The following MTUS2 variants were observed in gnomAD, a reference collection of about 807,000 sequenced individuals.
MTUS2 encodes microtubule-associated tumor suppressor candidate 2.
In MTUS2, 40 loss-of-function variants were observed where a neutral mutation model predicts 114.1. The ratio of observed to expected loss-of-function variants is 0.35; its 90% CI spans 0.27 to 0.46. MTUS2 has a LOEUF of 0.46. Ranked by LOEUF, MTUS2 falls within the 20% of genes least tolerant of loss-of-function variation. The pLI, the probability that MTUS2 is intolerant of heterozygous loss-of-function variation, is 1.00. For synonymous variants in MTUS2, 688 were observed against 672.0 expected, an observed-to-expected ratio of 1.02 and a Z score of -0.37; for missense variants, 1,679 against 1,705.4, an observed-to-expected ratio of 0.98 and a Z score of 0.27.
At chr13:29,014,749 C>T (rs1209481612) in intron 2 of MTUS2, among the ~76,000 whole-genome samples, 1 of 152,186 alleles carries the variant, frequency 6.6e-6, no homozygotes, top group Non-Finnish European at 1.5e-5. Context: ...TTCACAGTGC[C>T]ATGCAGGCCA....
intron 5 of MTUS2, among the ~76,000 whole-genome samples, chr13:29,277,682 C>A (rs1898115637): frequency 6.6e-6 from 1 of 152,194 alleles, no homozygotes; most frequent in African/African-American, 2.4e-5. Flanking sequence ...CATTTCCCAG[C>A]CTCCCTTGAT....
chr13:29,387,784 C>T (rs1382158708), intron 8 of MTUS2, among the ~76,000 whole-genome samples: 5 of 152,124 alleles, frequency 3.3e-5, no homozygotes, highest in Admixed American at 2.0e-4. Flanking sequence ...TTGCTTAATG[C>T]TCGCATGGCA....
intron 8 of MTUS2, among the ~76,000 whole-genome samples, chr13:29,379,899 A>G (rs956133981): frequency 3.3e-5 from 5 of 152,260 alleles, no homozygotes; most frequent in African/African-American, 1.2e-4. Context: ...TGTACTTTTG[A>G]AGTTATGAAG....
At chr13:29,065,445 T>A (rs56689670) in intron 4 of MTUS2, among the ~76,000 whole-genome samples, 2,446 of 152,270 alleles carry the variant, frequency 0.016, 55 homozygotes, top group African/African-American at 0.056. Context: ...GAAGTGTCTG[T>A]TCATATCGTT....
intron 2 of MTUS2, among the ~76,000 whole-genome samples, chr13:28,907,302 A>G (rs1386079385): frequency 6.6e-6 from 1 of 151,702 alleles, no homozygotes; most frequent in East Asian, 1.9e-4. Context: ...AAAAACATGC[A>G]GAATTATAAA....
chr13:29,318,404 A>ATTCTTTTTTTTTTTTTTTTT, intron 6 of MTUS2, among the ~76,000 whole-genome samples: 1 of 68,812 alleles, frequency 1.5e-5, no homozygotes, highest in African/African-American at 6.3e-5. Flanking sequence ...TTTTTTTTTG[A>ATTCTTTTTTTTTTTTTTTTT]GATGACAGCC....
intron 2 of MTUS2, among the ~76,000 whole-genome samples, chr13:28,980,067 GA>G (rs1238162700): frequency 6.6e-6 from 1 of 152,140 alleles, no homozygotes; most frequent in East Asian, 1.9e-4. Flanking sequence ...GATGCGTTTT[GA>G]AAAGGAATAA....
intron 4 of MTUS2, among the ~76,000 whole-genome samples, chr13:29,099,222 C>G (rs1189502091): frequency 6.6e-6 from 1 of 152,206 alleles, no homozygotes; most frequent in African/African-American, 2.4e-5. Context: ...TCTTCTTTTT[C>G]ATAGTTGAGG....
At position 29,431,628 on chromosome 13, in the gene MTUS2, G is replaced by A. The variant is rs1302942032; in HGVS notation, c.3118-8355G>A. Among the ~76,000 whole-genome samples the A allele has an allele frequency of 2.0e-5, 3 of 152,202 alleles. No homozygotes were observed. The East Asian group carries it at 5.8e-4, about 29-fold the overall frequency. ...AGGTTTCTTGGCAAAAGTGGAACAT[G>A]AATTACCCTTTGAAGAATGGGTGGA... On this transcript the variant is annotated intron_variant, in intron 8 of 15. Transcript: ENST00000612955.
In MTUS2 at chr13:29,350,960, C is replaced by CATATATATATATATATAT. The variant is rs56192034; in HGVS notation, c.2906-8295_2906-8278dup. Among the ~76,000 whole-genome samples the CATATATATATATATATAT allele has an allele frequency of 3.0e-3, 386 of 128,592 alleles. 6 individuals are homozygous for CATATATATATATATATAT. Among genetic ancestry groups the CATATATATATATATATAT allele is most frequent in the Non-Finnish European group, 3.7e-3 (214 of 58,594 alleles). The allele number at this position is 128,592 out of a possible 152,430, so 84.4% of individuals were successfully genotyped here. A position where few individuals can be genotyped will look rare whatever the true frequency, so the allele number is the denominator to read the frequency against. ...TAGGAATTAGGGCATATATATATTT[C>CATATATATATATATATAT]ATATATATATATATATATATATATC... On this transcript the variant is annotated intron_variant, in intron 7 of 15. Transcript: ENST00000612955.
intron 8 of MTUS2, among the ~76,000 whole-genome samples, chr13:29,371,196 A>G (rs3125693): frequency 0.48 from 71,053 of 146,622 alleles, 19,586 homozygotes; most frequent in East Asian, 0.66. Context: ...ATATTATTTC[A>G]TTTAATATCT....
intron 2 of MTUS2, among the ~76,000 whole-genome samples, chr13:28,892,193 C>G (rs1457480324): frequency 1.3e-5 from 2 of 152,146 alleles, no homozygotes; most frequent in Non-Finnish European, 2.9e-5. Context: ...TTTATATACC[C>G]TGTGTTATGT....
At chr13:29,416,506 A>AT (rs1875682247) in intron 8 of MTUS2, among the ~76,000 whole-genome samples, 1 of 151,342 alleles carries the variant, frequency 6.6e-6, no homozygotes, top group South Asian at 2.1e-4. Context: ...CATATTATAT[A>AT]TAGCATATAT....
intron 4 of MTUS2, among the ~76,000 whole-genome samples, chr13:29,065,805 C>T (rs1888637788): frequency 6.6e-6 from 1 of 152,224 alleles, no homozygotes; most frequent in South Asian, 2.1e-4. Flanking sequence ...TTCTTTATCT[C>T]TAAAAATGAG....
intron 7 of MTUS2, among the ~76,000 whole-genome samples, chr13:29,330,192 T>C (rs1158820400): frequency 1.3e-5 from 2 of 152,236 alleles, no homozygotes; most frequent in Non-Finnish European, 2.9e-5. Context: ...ATTTCGCTAA[T>C]GACCAGCTTT....
chr13:29,236,220 A>G (rs1460211815), intron 5 of MTUS2, among the ~76,000 whole-genome samples: 1 of 152,120 alleles, frequency 6.6e-6, no homozygotes, highest in Non-Finnish European at 1.5e-5. Context: ...TGGATTCTTT[A>G]TAGCGTCTTC....
intron 1 of MTUS2, among the ~76,000 whole-genome samples, chr13:28,825,260 G>A (rs918034445): frequency 6.6e-6 from 1 of 152,144 alleles, no homozygotes; most frequent in Admixed American, 6.5e-5. Flanking sequence ...TTTCAATGAT[G>A]GCTCCCACTG....
chr13:29,215,664 G>A (rs916960531), intron 5 of MTUS2, among the ~76,000 whole-genome samples: 1 of 152,024 alleles, frequency 6.6e-6, no homozygotes, highest in Non-Finnish European at 1.5e-5. Context: ...ATTTGCTGGA[G>A]GTCTACTCCA....
At chr13:29,209,686 A>AAGC (rs1261448393) in intron 5 of MTUS2, among the ~76,000 whole-genome samples, 3 of 152,116 alleles carry the variant, frequency 2.0e-5, no homozygotes, top group African/African-American at 7.2e-5. Context: ...TTCATTTATG[A>AAGC]AGCTTAGTTT....
Sources: gnomAD v4.1 joint callset for allele counts (sites outside exome capture counted in the v4.1 genomes callset) on GRCh38, gnomAD v4.1.1 for gene constraint, MANE v1.5 for transcripts, NCBI Gene and HGNC (gene_info 2026-07-23, HGNC 2026-07-21) for gene names.